Variants in PKNOX2 observed in about 807,000 individuals in gnomAD.
PKNOX2 encodes homeobox protein PKNOX2.
PKNOX2 carries 14 observed loss-of-function variants against 53.1 expected under a neutral mutation model. That is an observed-to-expected ratio of 0.26 (90% CI 0.17 to 0.41). The LOEUF (loss-of-function observed/expected upper bound fraction) is 0.41. Among genes scored for constraint, PKNOX2 ranks in the 10% least tolerant of loss-of-function variants. PKNOX2 has a pLI of 1.00. For synonymous variants in PKNOX2, 257 were observed against 242.8 expected (o/e 1.06, Z -0.54); for missense variants, 496 against 602.8 (o/e 0.82, Z 1.85).
At chr11:125,251,093 C>T (rs112380666) in intron 2 of PKNOX2, among the ~76,000 whole-genome samples, 12 of 152,338 alleles carry the variant, frequency 7.9e-5, no homozygotes, top group African/African-American at 2.6e-4. Context: ...GGCCTGTAGC[C>T]CCCGAGTCAT....
chr11:125,224,446 T>C (rs12787799), intron 1 of PKNOX2, among the ~76,000 whole-genome samples: 27,603 of 152,028 alleles, frequency 0.18, 2,675 homozygotes, highest in African/African-American at 0.24. Context: ...GCAGTCAGGG[T>C]GACTTGGGTT....
chr11:125,221,414 C>T (rs529813415), intron 1 of PKNOX2, among the ~76,000 whole-genome samples: 2 of 152,284 alleles, frequency 1.3e-5, no homozygotes, highest in African/African-American at 4.8e-5. Context: ...CATTTACCCC[C>T]TTTGGTGAGA....
intron 1 of PKNOX2, among the ~76,000 whole-genome samples, chr11:125,233,336 G>T (rs1942391576): frequency 6.6e-6 from 1 of 152,180 alleles, no homozygotes; most frequent in Non-Finnish European, 1.5e-5. Context: ...ATTTAATCTA[G>T]AGACTTCATA....
chr11:125,392,813 G>A (rs1954131207), intron 6 of PKNOX2, among the ~76,000 whole-genome samples: 1 of 152,096 alleles, frequency 6.6e-6, no homozygotes, highest in South Asian at 2.1e-4. Context: ...GAAGGAACGG[G>A]GAAGGGAAAG....
chr11:125,332,202 G>A (rs1950181637), intron 3 of PKNOX2, among the ~76,000 whole-genome samples: 1 of 152,116 alleles, frequency 6.6e-6, no homozygotes, highest in South Asian at 2.1e-4. Flanking sequence ...AGATGGGTGG[G>A]GCCTTGCTTA....
chr11:125,366,144 A>G (rs1161037924), intron 4 of PKNOX2, among the ~76,000 whole-genome samples: 1 of 152,176 alleles, frequency 6.6e-6, no homozygotes. Context: ...AAGGTCACCA[A>G]TTTGCTTACT....
chr11:125,173,548 T>C (rs1955479912), intron 1 of PKNOX2, among the ~76,000 whole-genome samples: 1 of 152,236 alleles, frequency 6.6e-6, no homozygotes, highest in Non-Finnish European at 1.5e-5. Flanking sequence ...ATCTCCTCCA[T>C]TACTCGAATC....
At chr11:125,226,740 GCCC>G (rs11317089) in intron 1 of PKNOX2, among the ~76,000 whole-genome samples, 1 of 150,460 alleles carries the variant, frequency 6.6e-6, no homozygotes, top group Non-Finnish European at 1.5e-5. Flanking sequence ...CTCCTAATTG[GCCC>G]CCTCTCCTAC....
At chr11:125,175,908 T>C (rs75250720) in intron 1 of PKNOX2, among the ~76,000 whole-genome samples, 4,904 of 152,298 alleles carry the variant, frequency 0.032, 94 homozygotes, top group Middle Eastern at 0.058. Context: ...TTGCATGTAA[T>C]ACGTGGGGGA....
At chr11:125,406,344 G>A (rs1424743908) in intron 7 of PKNOX2, among the ~76,000 whole-genome samples, 1 of 152,168 alleles carries the variant, frequency 6.6e-6, no homozygotes, top group Non-Finnish European at 1.5e-5. Flanking sequence ...AGGATCCTGG[G>A]ACTCGACCAT....
chr11:125,404,357 A>G (rs531801895), intron 7 of PKNOX2, among the ~76,000 whole-genome samples: 3 of 152,348 alleles, frequency 2.0e-5, no homozygotes, highest in African/African-American at 7.2e-5. Flanking sequence ...TAAGAGCAGC[A>G]GCTGCTGCTT....
chr11:125,221,999 C>T (rs1399909920), intron 1 of PKNOX2, among the ~76,000 whole-genome samples: 2 of 152,146 alleles, frequency 1.3e-5, no homozygotes, highest in Admixed American at 6.6e-5. Context: ...GGGTGATTGG[C>T]GGTGCCTGGA....
At chr11:125,411,494 C>G in intron 9 of PKNOX2, 2 of 455,570 alleles carry the variant, frequency 4.4e-6, no homozygotes, top group South Asian at 4.1e-5. Context: ...CTCTCTCTCT[C>G]TCTCTCTCTC....
At chr11:125,308,125 T>C (rs1382775420) in intron 2 of PKNOX2, among the ~76,000 whole-genome samples, 2 of 152,216 alleles carry the variant, frequency 1.3e-5, no homozygotes, top group Non-Finnish European at 2.9e-5. Context: ...GTTGAGCGTA[T>C]GGTCCCGGGA....
chr11:125,288,420 C>T (rs1186794869), intron 2 of PKNOX2, among the ~76,000 whole-genome samples: 1 of 152,212 alleles, frequency 6.6e-6, no homozygotes, highest in Admixed American at 6.5e-5. Flanking sequence ...GAACTCTTCT[C>T]CATCACAAAC....
At chr11:125,427,149 G>A (rs1056708774) in intron 10 of PKNOX2, among the ~76,000 whole-genome samples, 3 of 152,186 alleles carry the variant, frequency 2.0e-5, no homozygotes, top group East Asian at 3.9e-4. Flanking sequence ...AGGCACTAGG[G>A]CTTGACCCCA....
At chr11:125,377,454 G>A (rs1199573935) in intron 5 of PKNOX2, among the ~76,000 whole-genome samples, 1 of 152,198 alleles carries the variant, frequency 6.6e-6, no homozygotes, top group East Asian at 1.9e-4. Context: ...AGAGACACAG[G>A]AGCAGGGAAT....
Position 125,431,336 on chromosome 11 carries a change from C to T in PKNOX2, c.1363C>T (p.Leu455=), listed in dbSNP as rs768922283. The T allele has an allele frequency of 6.2e-7, 1 of 1,613,704 alleles. No homozygotes were observed. Among genetic ancestry groups the T allele is most frequent in the South Asian group, 1.1e-5 (1 of 91,046 alleles). Residue 455 remains leucine, a synonymous_variant, in exon 13 of 13, where the codon CTG becomes TTG. Coordinates refer to ENST00000298282, the MANE Select transcript of PKNOX2 (RefSeq NM_001382323.2). ...GGAGCTGGAGGAGGAGGTCGACGAGCTGCAGACGACAAATGTCAGCGACCT... is the reference window on the plus strand; with the variant it reads ...GGAGCTGGAGGAGGAGGTCGACGAGTTGCAGACGACAAATGTCAGCGACCT... The part of the protein sequence containing the change: ...EEELEEEVDE[L]QTTNVSDLGL...
chr11:125,213,301 TTTG>T (rs1480671280), intron 1 of PKNOX2, among the ~76,000 whole-genome samples: 3 of 152,092 alleles, frequency 2.0e-5, no homozygotes, highest in Admixed American at 6.5e-5. Flanking sequence ...TCATCTTACC[TTTG>T]TTGTTTACCT....
Sources: allele counts gnomAD v4.1 joint callset (sites outside exome capture counted in the v4.1 genomes callset), GRCh38; gene constraint gnomAD v4.1.1; transcripts MANE v1.5; gene names NCBI Gene and HGNC (gene_info 2026-07-23, HGNC 2026-07-21).